AGBL1: variants seen among roughly 807,000 people sequenced by gnomAD.
The protein encoded by AGBL1 is cytosolic carboxypeptidase 4.
Under a neutral mutation model 118.9 loss-of-function variants are expected in AGBL1, and 130 were observed. The observed-to-expected ratio is 1.09, with a 90% CI of 0.95 to 1.26. The LOEUF (loss-of-function observed/expected upper bound fraction) is 1.26, where lower values mean the gene tolerates loss of function less well. AGBL1 is among the 50% of genes most tolerant of loss of function. The probability of loss-of-function intolerance (pLI) is 0.00; values close to 1 mark genes in which losing one functional copy is unlikely to be tolerated. For missense variants in AGBL1, 1,584 were observed against 1,298.1 expected (o/e 1.22, Z -3.38); for synonymous variants, 555 against 478.9 (o/e 1.16, Z -2.08).
chr15:86,825,042 G>C (rs1403335043), intron 22 of AGBL1, among the ~76,000 whole-genome samples: 1 of 152,036 alleles, frequency 6.6e-6, no homozygotes, highest in Non-Finnish European at 1.5e-5. Flanking sequence ...AGGTGACAGA[G>C]TGAGACTCTG....
chr15:86,461,036 T>A (rs74025137), intron 18 of AGBL1, among the ~76,000 whole-genome samples: 25,619 of 152,216 alleles, frequency 0.17, 2,696 homozygotes, highest in African/African-American at 0.29. Flanking sequence ...TTGTTTTGGA[T>A]ATGAGCTAAG....
intron 3 of AGBL1, among the ~76,000 whole-genome samples, chr15:86,145,985 G>C (rs1046600144): frequency 2.0e-5 from 3 of 152,178 alleles, no homozygotes. Flanking sequence ...GAGTGAGCCA[G>C]GTGGACTCCA....
chr15:86,664,542 G>C (rs558533232), intron 21 of AGBL1, among the ~76,000 whole-genome samples: 8 of 152,270 alleles, frequency 5.3e-5, no homozygotes, highest in Non-Finnish European at 1.0e-4. Flanking sequence ...AATGTTTGGA[G>C]GGACAATACT....
At chr15:86,427,599 CCATT>C (rs963686994) in intron 18 of AGBL1, among the ~76,000 whole-genome samples, 19 of 150,514 alleles carry the variant, frequency 1.3e-4, no homozygotes, top group Non-Finnish European at 2.5e-4. Context: ...AGCAAGGTGA[CCATT>C]CATAAAGTTT....
intron 21 of AGBL1, among the ~76,000 whole-genome samples, chr15:86,606,414 T>C (rs776484165): frequency 2.0e-5 from 3 of 152,190 alleles, no homozygotes; most frequent in Non-Finnish European, 4.4e-5. Context: ...GCCAAAATTA[T>C]CTTCGTCTAA....
chr15:86,825,910 T>TAGATAGATAGATAGATAGAC (rs2079006436), intron 22 of AGBL1, among the ~76,000 whole-genome samples: 1 of 149,958 alleles, frequency 6.7e-6, no homozygotes, highest in Admixed American at 6.7e-5. Context: ...GATAGATAGA[T>TAGATAGATAGATAGATAGAC]AGATAGATAG....
chr15:86,334,056 A>T (rs1244817206), intron 17 of AGBL1, among the ~76,000 whole-genome samples: 1 of 152,196 alleles, frequency 6.6e-6, no homozygotes, highest in Non-Finnish European at 1.5e-5. Flanking sequence ...ATCTATGACA[A>T]ACTCACAACC....
chr15:86,573,397 A>G (rs2084037862), intron 21 of AGBL1, among the ~76,000 whole-genome samples: 1 of 152,262 alleles, frequency 6.6e-6, no homozygotes, highest in African/African-American at 2.4e-5. Context: ...GTATGGAAAG[A>G]AGTGGGTGCC....
At chr15:86,658,318 A>C (rs949562090) in intron 21 of AGBL1, among the ~76,000 whole-genome samples, 1 of 152,164 alleles carries the variant, frequency 6.6e-6, no homozygotes, top group Admixed American at 6.5e-5. Context: ...TAGCCTGAGA[A>C]TGTAACAATG....
At chr15:86,231,281 A>G (rs1017076848) in intron 6 of AGBL1, among the ~76,000 whole-genome samples, 1 of 152,214 alleles carries the variant, frequency 6.6e-6, no homozygotes, top group Non-Finnish European at 1.5e-5. Context: ...TGACTAAGAA[A>G]GAATTCCAGG....
chr15:86,370,714 A>G (rs951716497), intron 17 of AGBL1, among the ~76,000 whole-genome samples: 4 of 152,120 alleles, frequency 2.6e-5, no homozygotes, highest in Non-Finnish European at 5.9e-5. Flanking sequence ...GCACATCTCC[A>G]TCTTTCTTAC....
At chr15:86,845,724 T>A (rs1458805061) in intron 22 of AGBL1, among the ~76,000 whole-genome samples, 1 of 152,214 alleles carries the variant, frequency 6.6e-6, no homozygotes, top group East Asian at 1.9e-4. Flanking sequence ...GATAAAAGAA[T>A]ACCTATTTAC....
At chr15:86,839,530 C>T (rs2079216603) in intron 22 of AGBL1, among the ~76,000 whole-genome samples, 3 of 152,238 alleles carry the variant, frequency 2.0e-5, no homozygotes, top group Non-Finnish European at 4.4e-5. Flanking sequence ...TCAGCTTTCG[C>T]ACTACTGATA....
intron 17 of AGBL1, among the ~76,000 whole-genome samples, chr15:86,302,542 C>G (rs149478418): frequency 0.028 from 4,298 of 151,718 alleles, 201 homozygotes; most frequent in African/African-American, 0.09. Context: ...TTTGGGAGGC[C>G]GAGGTGGGTG....
chr15:86,435,024 T>C (rs2081984578), intron 18 of AGBL1, among the ~76,000 whole-genome samples: 1 of 152,232 alleles, frequency 6.6e-6, no homozygotes, highest in African/African-American at 2.4e-5. Context: ...TGAAAGATCC[T>C]TGAGCTATTG....
intron 18 of AGBL1, among the ~76,000 whole-genome samples, chr15:86,452,890 A>G (rs994371949): frequency 1.3e-5 from 2 of 152,044 alleles, no homozygotes; most frequent in Non-Finnish European, 2.9e-5. Context: ...CGCTGCTGGA[A>G]TTGCTCTTTC....
chr15:86,931,926 A>G (rs1456184031), intron 23 of AGBL1, among the ~76,000 whole-genome samples: 4 of 152,220 alleles, frequency 2.6e-5, no homozygotes, highest in Non-Finnish European at 1.5e-5. Flanking sequence ...AAAAAAATCA[A>G]GTGTGATGCT....
chr15:86,201,807 T>C (rs558698780), intron 5 of AGBL1, among the ~76,000 whole-genome samples: 1 of 152,314 alleles, frequency 6.6e-6, no homozygotes, highest in Admixed American at 6.5e-5. Context: ...GAATCTGTCA[T>C]GTCAGCTACT....
chr15:86,363,649 G>A (rs2080838672), intron 17 of AGBL1, among the ~76,000 whole-genome samples: 1 of 152,102 alleles, frequency 6.6e-6, no homozygotes. Flanking sequence ...TCTCAGGAAT[G>A]TTTATGATTA....
Sources: allele counts gnomAD v4.1 joint callset (sites outside exome capture counted in the v4.1 genomes callset), GRCh38; gene constraint gnomAD v4.1.1; transcripts MANE v1.5; gene names NCBI Gene and HGNC (gene_info 2026-07-23, HGNC 2026-07-21).